BCL7C: variants seen among roughly 807,000 people sequenced by gnomAD.
BCL7C encodes BAF chromatin remodeling complex subunit BCL7C.
In BCL7C, 8 loss-of-function variants were observed where a neutral mutation model predicts 26.2. The observed-to-expected ratio is 0.30, with a 90% CI of 0.18 to 0.55. The LOEUF (loss-of-function observed/expected upper bound fraction) is 0.55. Among genes scored for constraint, BCL7C ranks in the 20% least tolerant of loss-of-function variants. BCL7C has a pLI of 0.93. For missense variants in BCL7C, 262 were observed against 298.5 expected, an observed-to-expected ratio of 0.88 and a Z score of 0.90; for synonymous variants, 90 against 116.5, an observed-to-expected ratio of 0.77 and a Z score of 1.47.
chr16:30,868,231 G>A (rs1458410816), intron 5 of BCL7C, among the ~76,000 whole-genome samples: 3 of 148,448 alleles, frequency 2.0e-5, no homozygotes, highest in East Asian at 2.1e-4. Context: ...GGGTTCAAGC[G>A]ATTCTCCTGC....
At chr16:30,877,290 T>A (rs2054964716) in intron 5 of BCL7C, among the ~76,000 whole-genome samples, 1 of 152,068 alleles carries the variant, frequency 6.6e-6, no homozygotes, top group Non-Finnish European at 1.5e-5. Flanking sequence ...TTATTTTTGG[T>A]AGAGACAGGA....
intron 5 of BCL7C, among the ~76,000 whole-genome samples, chr16:30,845,895 A>G (rs2054631499): frequency 6.6e-6 from 1 of 151,818 alleles, no homozygotes; most frequent in Non-Finnish European, 1.5e-5. Context: ...TCACAAGATC[A>G]GGAGATCGAG....
At chr16:30,867,166 A>G (rs978756814) in intron 5 of BCL7C, among the ~76,000 whole-genome samples, 2 of 152,212 alleles carry the variant, frequency 1.3e-5, no homozygotes, top group Admixed American at 6.5e-5. Flanking sequence ...GAAAGTTAAT[A>G]GATGGACAAA....
Position 30,850,053 on chromosome 16 carries a change from C to CA in BCL7C, c.529-14906dup, listed in dbSNP as rs560695493. 1.7e-3 allele frequency among the ~76,000 whole-genome samples: 252 copies of CA among 151,308 alleles called. 3 individuals are homozygous for CA. Among genetic ancestry groups the CA allele is most frequent in the Admixed American group, 3.0e-3 (46 of 15,176 alleles). ...TGAAACCCCATCTCTACTAAAAATA[C>CA]AAAAAAATCAGCTGGGCATGGTGGC... On this transcript the variant is annotated intron_variant, in intron 5 of 5. Coordinates refer to the BCL7C transcript ENST00000380317.
At chr16:30,878,284 A>G (rs2054984355) in intron 5 of BCL7C, among the ~76,000 whole-genome samples, 1 of 152,034 alleles carries the variant, frequency 6.6e-6, no homozygotes, top group Non-Finnish European at 1.5e-5. Flanking sequence ...TAATCCCAGC[A>G]CTTTGGGAGG....
rs141513220 is a variant in BCL7C, at chr16:30,850,006, A to G, written c.529-14858T>C. Among the ~76,000 whole-genome samples, 955 of 151,974 alleles carry G rather than the reference A, an allele frequency of 6.3e-3. 5 individuals carry two copies. The highest frequency in any genetic ancestry group is 0.012 in the African/African-American group (488 of 41,470). ...GGGCAGATCACAAGGTCAGGAGATC[A>G]AGACCATCCTGGCTAACACAGTGAA... On this transcript the variant is annotated intron_variant, in intron 5 of 5. Transcript: ENST00000380317.
Position 30,887,832 on chromosome 16 carries a change from C to A in BCL7C, c.*33G>T, listed in dbSNP as rs200463487. On this transcript the variant is annotated 3_prime_UTR_variant, in exon 6 of 6. Coordinates refer to ENST00000215115, the MANE Select transcript of BCL7C (RefSeq NM_004765.4). ...CTTTATTTGTAAAAAGCCAAAGGGG[C>A]CCCTGGGGCAACAGGACAGGCAGGC... is the stretch of plus-strand genomic sequence containing the variant. The A allele has an allele frequency of 6.5e-7, 1 of 1,538,044 alleles. No homozygotes were observed. Among genetic ancestry groups the A allele is most frequent in the African/African-American group, 1.4e-5 (1 of 69,740 alleles).
rs190223715 is a variant in BCL7C at position 30,890,144 on chromosome 16, C to A, written c.443-1199G>T. 2.9e-3 allele frequency among the ~76,000 whole-genome samples: 433 copies of A among 151,854 alleles called. 4 individuals are homozygous for A. The highest frequency in any genetic ancestry group is 0.017 in the Middle Eastern group (5 of 294). On this transcript the variant is annotated intron_variant, in intron 4 of 5. Coordinates refer to ENST00000215115, the MANE Select transcript of BCL7C (RefSeq NM_004765.4). The stretch of plus-strand genomic sequence containing the variant: ...GGCACGGTGGCTCAAGCCTGTAATC[C>A]CAGCACTTTGGGAGGCCGAGGCAGG...
intron 5 of BCL7C, among the ~76,000 whole-genome samples, chr16:30,868,831 C>A (rs572147261): frequency 6.6e-6 from 1 of 150,984 alleles, no homozygotes; most frequent in Non-Finnish European, 1.5e-5. Flanking sequence ...AAGAACAGAA[C>A]GGAAAAGAAA....
rs567818883 is a variant in BCL7C, at chr16:30,877,026, G to C, written c.528+11834C>G. 8.4e-4 allele frequency among the ~76,000 whole-genome samples: 128 copies of C among 152,270 alleles called. 1 individual carries two copies. Among genetic ancestry groups the C allele is most frequent in the African/African-American group, 3.0e-3 (126 of 41,538 alleles). ...AGCAGAGGCCAAGGCTGGGAGGCCT[G>C]AAATGCCTGGCCGCAAAACTCAGCC... is the stretch of plus-strand genomic sequence containing the variant. On this transcript the variant is annotated intron_variant, in intron 5 of 5. Coordinates refer to the BCL7C transcript ENST00000380317.
intron 5 of BCL7C, among the ~76,000 whole-genome samples, chr16:30,841,601 G>A (rs983465873): frequency 1.1e-4 from 17 of 152,218 alleles, no homozygotes; most frequent in Middle Eastern, 3.4e-3. Context: ...ACAATTACCC[G>A]ACAACCAGTC....
chr16:30,882,882 G>A (rs971402188), downstream of BCL7C, among the ~76,000 whole-genome samples: 1 of 152,192 alleles, frequency 6.6e-6, no homozygotes, highest in Non-Finnish European at 1.5e-5. Context: ...AGGACGTGGT[G>A]GTTCCTGGAA....
At chr16:30,880,308 A>AC (rs1420039680) in intron 5 of BCL7C, among the ~76,000 whole-genome samples, 2 of 150,846 alleles carry the variant, frequency 1.3e-5, no homozygotes, top group East Asian at 2.0e-4. Context: ...ATATGGTGAG[A>AC]CCCCGTCTCT....
intron 4 of BCL7C, among the ~76,000 whole-genome samples, chr16:30,889,925 CAA>C (rs1182126462): frequency 1.0e-3 from 55 of 53,210 alleles, no homozygotes; most frequent in Admixed American, 1.8e-3. Flanking sequence ...GACCTTGTCT[CAA>C]AAAAAAAAAA....
At chr16:30,847,333 G>A (rs905011199) in intron 5 of BCL7C, among the ~76,000 whole-genome samples, 6 of 152,158 alleles carry the variant, frequency 3.9e-5, no homozygotes, top group Non-Finnish European at 5.9e-5. Context: ...GTCATTCAGA[G>A]TCTCCCTTGT....
At chr16:30,882,801 G>A (rs568407983), downstream of BCL7C, among the ~76,000 whole-genome samples, 1 of 152,292 alleles carries the variant, frequency 6.6e-6, no homozygotes, top group Non-Finnish European at 1.5e-5. Flanking sequence ...TAGTTTTGCT[G>A]GCACCTAGTA....
chr16:30,893,457 C>T lies in BCL7C; in HGVS notation c.93-167G>A, dbSNP rs972401458. Among the ~76,000 whole-genome samples, 6 of 152,122 alleles carry T rather than the reference C, an allele frequency of 3.9e-5. No individual in the cohort carries two copies. The highest frequency in any genetic ancestry group is 1.2e-4 in the African/African-American group (5 of 41,416). ...TGGAGGAAGAGAGTCCTGCAAACCC[C>T]AGGGCATAGGCGGTGGGTGCCTCTA... On this transcript the variant is annotated intron_variant, in intron 1 of 5. Transcript: ENST00000215115. The surrounding 1 kb of genome is among the most constrained non-coding windows in gnomAD (Gnocchi z 5.2).
chr16:30,885,050 C>T (rs2055110150), downstream of BCL7C, among the ~76,000 whole-genome samples: 1 of 152,150 alleles, frequency 6.6e-6, no homozygotes, highest in African/African-American at 2.4e-5. Context: ...TGAAGATGGC[C>T]CTCCAAAGAA....
At position 30,887,934 on chromosome 16, in the gene BCL7C, C is replaced by T. The variant is rs1439692509; in HGVS notation, c.585G>A (p.Gln195=). Reference sequence around the variant, plus strand: ...CACCCTCCGAGTCCTCTGTGTCACCCTGGGCTGCCTCAGGGACAGGTGGCA... The same window carrying T: ...CACCCTCCGAGTCCTCTGTGTCACCTTGGGCTGCCTCAGGGACAGGTGGCA... The part of the protein sequence containing the change: ...EPVPPVPEAA[Q]GDTEDSEGAP... Residue 195 remains glutamine (Q), a synonymous_variant, in exon 6 of 6, where the codon CAG becomes CAA. Transcript: ENST00000215115. The T allele has an allele frequency of 6.2e-7, 1 of 1,606,942 alleles. No individual in the cohort carries two copies. The highest frequency in any genetic ancestry group is 8.5e-7 in the Non-Finnish European group (1 of 1,177,048).
Sources: gnomAD v4.1 joint callset for allele counts (sites outside exome capture counted in the v4.1 genomes callset) on GRCh38, gnomAD v4.1.1 for gene constraint, Gnocchi (gnomAD v3.1) non-coding constraint, MANE v1.5 for transcripts, NCBI Gene and HGNC (gene_info 2026-07-23, HGNC 2026-07-21) for gene names.